The following ERC1 variants were observed in gnomAD, a reference collection of about 807,000 sequenced individuals.
ERC1 encodes RAB6 interacting protein 2.
In ERC1, 56 loss-of-function variants were observed where a neutral mutation model predicts 132.0. The ratio of observed to expected loss-of-function variants is 0.42; its 90% CI spans 0.34 to 0.53. The LOEUF is 0.53. Ranked by LOEUF, ERC1 falls within the 20% of genes least tolerant of loss-of-function variation. The pLI is 0.03. For synonymous variants in ERC1, 478 were observed against 476.1 expected (o/e 1.00, Z -0.05); for missense variants, 1,202 against 1,349.9 (o/e 0.89, Z 1.72).
At chr12:1,260,106 C>T (rs1459510334) in intron 13 of ERC1, among the ~76,000 whole-genome samples, 2 of 152,098 alleles carry the variant, frequency 1.3e-5, no homozygotes, top group East Asian at 1.9e-4. Flanking sequence ...ATAGAGTATA[C>T]CGTAGTAGCT....
chr12:1,389,534 A>T (rs1398202202), intron 16 of ERC1, among the ~76,000 whole-genome samples: 3 of 152,224 alleles, frequency 2.0e-5, no homozygotes, highest in Non-Finnish European at 2.9e-5. Flanking sequence ...TCTACTGGAT[A>T]TGCATTGCTA....
rs117393762 is a variant in ERC1, at chr12:1,401,839, G to A, written c.2926-6310G>A. Among the ~76,000 whole-genome samples the A allele has an allele frequency of 8.1e-3, 1,228 of 152,106 alleles. 7 individuals carry two copies. Among genetic ancestry groups the A allele is most frequent in the Non-Finnish European group, 0.012 (811 of 67,998 alleles). On this transcript the variant is annotated intron_variant, in intron 16 of 18. Transcript: ENST00000360905. ...TAGTTATTCAATTAAAAACTTAGTG[G>A]CAAGTTAACGTATATGAAAGGAGAA...
At chr12:1,184,154 A>G (rs546049782) in intron 11 of ERC1, among the ~76,000 whole-genome samples, 20 of 146,850 alleles carry the variant, frequency 1.4e-4, no homozygotes, top group Middle Eastern at 3.6e-3. Context: ...AAAAAAAAAG[A>G]AAAAAAAAAG....
rs143254594 is a variant in ERC1, at chr12:1,003,602, A to G, written c.-157+12280A>G. Among the ~76,000 whole-genome samples the G allele has an allele frequency of 2.6e-3, 402 of 152,328 alleles. 3 individuals are homozygous for G. Among genetic ancestry groups the G allele is most frequent in the Middle Eastern group, 0.01 (3 of 294 alleles). ...TTCTGGCATGTTGTTGAATAGAGAT[A>G]GGAGACGTCATTGTCTTTTCCCATC... On this transcript the variant is annotated intron_variant, in intron 1 of 18. Transcript: ENST00000360905.
intron 13 of ERC1, among the ~76,000 whole-genome samples, chr12:1,259,100 C>CAA (rs4017778): frequency 0.42 from 64,358 of 151,812 alleles, 15,349 homozygotes; most frequent in African/African-American, 0.65. Context: ...TATATCAGAA[C>CAA]TATGTATTTT....
chr12:1,212,448 C>T (rs758727284), intron 12 of ERC1, among the ~76,000 whole-genome samples: 3 of 152,172 alleles, frequency 2.0e-5, no homozygotes, highest in Non-Finnish European at 4.4e-5. Context: ...AGGGCTCTTT[C>T]CTGTCCACTC....
chr12:1,073,476 A>G (rs546268971), intron 2 of ERC1, among the ~76,000 whole-genome samples: 91 of 151,070 alleles, frequency 6.0e-4, no homozygotes, highest in Admixed American at 2.4e-3. Context: ...GCATGGCAAA[A>G]CTCCATCTCT....
At chr12:1,125,762 C>T (rs1948093030) in intron 7 of ERC1, among the ~76,000 whole-genome samples, 1 of 152,212 alleles carries the variant, frequency 6.6e-6, no homozygotes, top group African/African-American at 2.4e-5. Flanking sequence ...TTACAGTGAG[C>T]TGAGATCGCA....
At chr12:1,377,951 T>A (rs2088143797) in intron 16 of ERC1, among the ~76,000 whole-genome samples, 1 of 152,192 alleles carries the variant, frequency 6.6e-6, no homozygotes, top group South Asian at 2.1e-4. Flanking sequence ...CAGCTTTCAG[T>A]TTTGGTGGAC....
At chr12:1,169,910 G>C (rs889186162) in intron 8 of ERC1, among the ~76,000 whole-genome samples, 2 of 152,114 alleles carry the variant, frequency 1.3e-5, no homozygotes, top group Non-Finnish European at 2.9e-5. Flanking sequence ...TTGCTTACAT[G>C]CCCCAAAGAA....
intron 18 of ERC1, among the ~76,000 whole-genome samples, chr12:1,470,485 C>A (rs1348862056): frequency 6.7e-6 from 1 of 150,280 alleles, no homozygotes; most frequent in Non-Finnish European, 1.5e-5. Context: ...CCTTTTGACA[C>A]TTTTCATTTC....
chr12:1,238,377 A>G (rs1238243181), intron 13 of ERC1, among the ~76,000 whole-genome samples: 4 of 152,194 alleles, frequency 2.6e-5, no homozygotes, highest in Admixed American at 2.0e-4. Context: ...ATATTTACAC[A>G]TAAATACTTT....
intron 12 of ERC1, among the ~76,000 whole-genome samples, chr12:1,214,312 T>G (rs1412489070): frequency 6.6e-6 from 1 of 152,230 alleles, no homozygotes; most frequent in African/African-American, 2.4e-5. Flanking sequence ...TGATTTAATT[T>G]TATTGAAGGT....
chr12:1,267,113 C>G (rs947389577), intron 14 of ERC1, among the ~76,000 whole-genome samples: 7 of 152,202 alleles, frequency 4.6e-5, no homozygotes, highest in Admixed American at 3.9e-4. Context: ...CACGCTGAGC[C>G]CATGCTAGAA....
intron 15 of ERC1, among the ~76,000 whole-genome samples, chr12:1,366,864 G>A (rs1299851212): frequency 6.6e-6 from 1 of 152,112 alleles, no homozygotes; most frequent in Non-Finnish European, 1.5e-5. Flanking sequence ...TGTTAGTGTT[G>A]ACATTTTACA....
intron 3 of ERC1, among the ~76,000 whole-genome samples, chr12:1,095,774 A>G (rs796528624): frequency 7.9e-5 from 12 of 152,204 alleles, no homozygotes; most frequent in African/African-American, 2.9e-4. Flanking sequence ...TTATGAGCTC[A>G]CTGACTGGAA....
At chr12:1,344,422 A>G (rs1035745816) in intron 15 of ERC1, among the ~76,000 whole-genome samples, 10 of 152,238 alleles carry the variant, frequency 6.6e-5, no homozygotes, top group Admixed American at 6.5e-4. Context: ...GAAGCTGTTG[A>G]TCTCTGAAGG....
intron 14 of ERC1, among the ~76,000 whole-genome samples, chr12:1,287,012 A>G (rs1204306744): frequency 6.6e-6 from 1 of 151,896 alleles, no homozygotes; most frequent in East Asian, 1.9e-4. Context: ...GAGACTTATT[A>G]GATATCAAGC....
intron 16 of ERC1, among the ~76,000 whole-genome samples, chr12:1,372,801 G>A (rs891673255): frequency 6.6e-6 from 1 of 152,306 alleles, no homozygotes; most frequent in African/African-American, 2.4e-5. Context: ...TTGCCCTCAA[G>A]TAATGAGACC....
Sources: gnomAD v4.1 joint callset for allele counts (sites outside exome capture counted in the v4.1 genomes callset) on GRCh38, gnomAD v4.1.1 for gene constraint, MANE v1.5 for transcripts, NCBI Gene and HGNC (gene_info 2026-07-23, HGNC 2026-07-21) for gene names.